The following GET3 variants were observed in gnomAD, a reference collection of about 807,000 sequenced individuals.
GET3 encodes the protein ATPase GET3.
Under a neutral mutation model 32.4 loss-of-function variants are expected in GET3, and 15 were observed. The ratio of observed to expected loss-of-function variants is 0.46; its 90% confidence interval spans 0.31 to 0.71. The LOEUF is 0.71. GET3 is among the 30% of genes least tolerant of loss of function. GET3 has a pLI of 0.05. For missense variants in GET3, 333 were observed against 459.0 expected (o/e 0.73, Z 2.51); for synonymous variants, 198 against 185.6 (o/e 1.07, Z -0.54).
rs1176166511 is a variant in GET3 at position 12,747,768 on chromosome 19, C to T, written c.915+176C>T. 6.6e-6 allele frequency among the ~76,000 whole-genome samples: 1 copy of T among 152,170 alleles called. No homozygotes were observed. Among genetic ancestry groups the T allele is most frequent in the Non-Finnish European group, 1.5e-5 (1 of 68,042 alleles). On this transcript the variant is annotated intron_variant, in intron 6 of 6. Coordinates refer to ENST00000357332, the MANE Select transcript of GET3 (RefSeq NM_004317.4). This position sits in a 1 kb window ranked among gnomAD's most constrained non-coding sequence, Gnocchi z 4.0. ...GACTGTGGCTGGCCTGGCCTAGGTC[C>T]CTGTGACCCTGGAGAGCAGGGGGTC...
At chr19:12,737,455 G>A, upstream of GET3, 1 of 1,428,338 alleles carries the variant, frequency 7.0e-7, no homozygotes, top group South Asian at 1.5e-5. Flanking sequence ...AATTTCCCCT[G>A]TAGGTTCTTC....
In GET3 at chr19:12,745,844, TA is replaced by T; in HGVS notation, c.609+87del. On this transcript the variant is annotated intron_variant, in intron 4 of 6. Coordinates refer to ENST00000357332, the MANE Select transcript of GET3 (RefSeq NM_004317.4). The surrounding 1 kb of genome is among the most constrained non-coding windows in gnomAD (Gnocchi z 5.0). ...GGCCCCCAGACCCTCAAATGCGCAC[TA>T]ACAATTCCCTTTCCTTCCCACCCCT... 1 of 1,449,810 alleles carries T rather than the reference TA, an allele frequency of 6.9e-7. No homozygotes were observed. The highest frequency in any genetic ancestry group is 1.3e-5 in the South Asian group (1 of 76,236). 89.8% of individuals were successfully genotyped at this position (1,449,810 alleles called of 1,614,324 possible). A position where few individuals can be genotyped will look rare whatever the true frequency, so the allele number is the denominator to read the frequency against.
rs761932147 is a variant in GET3 at position 12,745,568 on chromosome 19, G to A, written c.459-41G>A. 63 of 1,612,400 alleles carry A rather than the reference G, an allele frequency of 3.9e-5. No individual in the cohort carries two copies. Among genetic ancestry groups the A allele is most frequent in the Non-Finnish European group, 5.0e-5 (59 of 1,179,978 alleles). On this transcript the variant is annotated intron_variant, in intron 3 of 6. Transcript: ENST00000357332. This position sits in a 1 kb window ranked among gnomAD's most constrained non-coding sequence, Gnocchi z 5.0. Reference sequence around the variant, plus strand: ...GGGGTGGGGGCTGCCTGGGGAAGGGGAAGAGCGGACACAGAGGGCCTGACC... The same window carrying A: ...GGGGTGGGGGCTGCCTGGGGAAGGGAAAGAGCGGACACAGAGGGCCTGACC...
chr19:12,748,175 T>G lies in GET3; in HGVS notation c.*71T>G, dbSNP rs570388277. 6.9e-7 allele frequency: 1 copy of G among 1,443,010 alleles called. No homozygotes were observed. The highest frequency in any genetic ancestry group is 2.5e-5 in the East Asian group (1 of 39,480). The allele number at this position is 1,443,010 out of a possible 1,614,324, so 89.4% of individuals were successfully genotyped here. ...CCCTCCCCACCCCCTCGGGGCAGAG[T>G]TTGCACAAAGTCCCCCCCATAATAC... is the stretch of plus-strand genomic sequence containing the variant. On this transcript the variant is annotated 3_prime_UTR_variant, in exon 7 of 7. Transcript: ENST00000357332.
At chr19:12,746,084 C>T (rs908582836) in intron 4 of GET3, among the ~76,000 whole-genome samples, 1 of 152,196 alleles carries the variant, frequency 6.6e-6, no homozygotes, top group Non-Finnish European at 1.5e-5. Context: ...CCTCTCTGGG[C>T]CTCACCTTCC....
intron 2 of GET3, among the ~76,000 whole-genome samples, chr19:12,743,518 T>C (rs575017767): frequency 9.4e-5 from 14 of 149,160 alleles, no homozygotes; most frequent in African/African-American, 3.4e-4. Flanking sequence ...TGGCCAGGCG[T>C]GATGGCTCGT....
chr19:12,745,330 TC>T lies in GET3; in HGVS notation c.310-42del, dbSNP rs754463874. On this transcript the variant is annotated intron_variant, in intron 2 of 6. Transcript: ENST00000357332. The surrounding 1 kb of genome is among the most constrained non-coding windows in gnomAD (Gnocchi z 5.0). ...TGGCCCTGTGCCCAGGTGGGAAGGC[TC>T]CCCCAGCAGTAGCAGCAACCTCAGT... 18 of 1,592,512 alleles carry T rather than the reference TC, an allele frequency of 1.1e-5. No individual in the cohort carries two copies. The African/African-American group carries it at 1.2e-4, about 11-fold the overall frequency.
Position 12,738,502 on chromosome 19 carries a change from A to G in GET3, c.162-9A>G, listed in dbSNP as rs376291196. On this transcript the variant is annotated splice_polypyrimidine_tract_variant and intron_variant, in intron 1 of 6. Transcript: ENST00000357332. The stretch of plus-strand genomic sequence containing the variant: ...TCATCCCCTATCTTTTGACTTTTCC[A>G]TTACTCAGCTGCAGCCTGGCAGTCC... The G allele has an allele frequency of 6.2e-7, 1 of 1,613,818 alleles. No individual in the cohort carries two copies. The highest frequency in any genetic ancestry group is 8.5e-7 in the Non-Finnish European group (1 of 1,179,944).
Position 12,747,400 on chromosome 19 carries a change from GACA to G in GET3, c.726_728del (p.Thr243del). ...TCCTCTCTCGTGCCCTGTAGGAGCA[GACA>G]ACTTTCATCTGCGTATGCATTGCTG... On this transcript the variant is annotated inframe_deletion, in exon 6 of 7. Transcript: ENST00000357332. The surrounding 1 kb of genome is among the most constrained non-coding windows in gnomAD (Gnocchi z 4.0). 6.2e-7 allele frequency: 1 copy of G among 1,614,152 alleles called. No homozygotes were observed. The highest frequency in any genetic ancestry group is 1.1e-5 in the South Asian group (1 of 91,084).
At chr19:12,746,883 G>C (rs147895637) in intron 4 of GET3, among the ~76,000 whole-genome samples, 1 of 151,824 alleles carries the variant, frequency 6.6e-6, no homozygotes, top group Non-Finnish European at 1.5e-5. Flanking sequence ...GGTGGTGCGC[G>C]CCTGTAATCC....
At chr19:12,740,199 G>A (rs1438709050) in intron 2 of GET3, among the ~76,000 whole-genome samples, 1 of 151,460 alleles carries the variant, frequency 6.6e-6, no homozygotes. Context: ...TGGCTAACAC[G>A]GTGAAAGCCC....
At chr19:12,739,087 T>TG (rs1444738393) in intron 2 of GET3, among the ~76,000 whole-genome samples, 3 of 151,914 alleles carry the variant, frequency 2.0e-5, no homozygotes, top group Admixed American at 6.6e-5. Context: ...ACAAGGAGAT[T>TG]GGGGGTGTAA....
rs199591474 is a variant in GET3 at position 12,745,360 on chromosome 19, A to G, written c.310-17A>G. ...CAGCAGTAGCAGCAACCTCAGTCTC[A>G]TCCCTTTGGCCCCCAGGAGATTGAC... On this transcript the variant is annotated splice_polypyrimidine_tract_variant and intron_variant, in intron 2 of 6. Coordinates refer to ENST00000357332, the MANE Select transcript of GET3 (RefSeq NM_004317.4). This position sits in a 1 kb window ranked among gnomAD's most constrained non-coding sequence, Gnocchi z 5.0. 381 of 1,605,858 alleles carry G rather than the reference A, an allele frequency of 2.4e-4. 1 individual carries two copies. The African/African-American group carries it at 4.4e-3, about 19-fold the overall frequency.
At chr19:12,738,387 C>A in intron 1 of GET3, 124 bp from the exon 2 acceptor site, 2 of 1,189,640 alleles carry the variant, frequency 1.7e-6, no homozygotes, top group Non-Finnish European at 1.2e-6. Context: ...ATAACCCATA[C>A]TCTCCTCTCA....
In GET3 at chr19:12,747,988, G is replaced by A; in HGVS notation, c.931G>A (p.Glu311Lys). Residue 311 changes from glutamate (E) to lysine (K), a missense_variant, in exon 7 of 7, where the codon GAA (glutamate) becomes AAA (lysine). This residue lies in a region of GET3 where 230 missense variants were observed against 389.2 expected (regional missense o/e 0.59). Transcript: ENST00000357332. The surrounding 1 kb of genome is among the most constrained non-coding windows in gnomAD (Gnocchi z 4.0). ...CTGGCTGCAGATGGAGGACCTGTAT[G>A]AAGACTTCCACATCGTGAAGCTGCC... Reference protein sequence around the residue: ...KYLDQMEDLYEDFHIVKLPLL... With the variant: ...KYLDQMEDLYKDFHIVKLPLL... 1 of 1,606,726 alleles carries A rather than the reference G, an allele frequency of 6.2e-7. No individual in the cohort carries two copies. Among genetic ancestry groups the A allele is most frequent in the Non-Finnish European group, 8.5e-7 (1 of 1,175,046 alleles).
At position 12,748,274 on chromosome 19, in the gene GET3, C is replaced by T; in HGVS notation, c.*170C>T. 1 of 566,440 alleles carries T rather than the reference C, an allele frequency of 1.8e-6. No homozygotes were observed. Among genetic ancestry groups the T allele is most frequent in the Non-Finnish European group, 3.0e-6 (1 of 337,244 alleles). The allele number at this position is 566,440 out of a possible 1,614,324, so 35.1% of individuals were successfully genotyped here. On this transcript the variant is annotated 3_prime_UTR_variant, in exon 7 of 7. Coordinates refer to ENST00000357332, the MANE Select transcript of GET3 (RefSeq NM_004317.4). ...TGGGGCTGGTGGGGAGCTGTAGTTGCCCCCTACCTCTCCCACCTCTTGCTC... is the reference window on the plus strand; with the variant it reads ...TGGGGCTGGTGGGGAGCTGTAGTTGTCCCCTACCTCTCCCACCTCTTGCTC...
At position 12,737,603 on chromosome 19, in the gene GET3, A is replaced by G. The variant is rs1034277492; in HGVS notation, c.98A>G (p.Glu33Gly). 6 of 1,612,010 alleles carry G rather than the reference A, an allele frequency of 3.7e-6. No homozygotes were observed. Among genetic ancestry groups the G allele is most frequent in the Non-Finnish European group, 5.1e-6 (6 of 1,179,374 alleles). Reference protein sequence around the residue: ...PLEPTLSNIIEQRSLKWIFVG... With the variant: ...PLEPTLSNIIGQRSLKWIFVG... Reference sequence around the variant, plus strand: ...GAGCCTACACTTAGCAACATCATCGAGCAGCGCAGCCTGAAGTGGATCTTC... The same window carrying G: ...GAGCCTACACTTAGCAACATCATCGGGCAGCGCAGCCTGAAGTGGATCTTC... The change falls in exon 1 of 7, where the codon GAG becomes GGG. Residue 33 changes from glutamate to glycine, a missense_variant. Transcript: ENST00000357332.
At chr19:12,743,230 C>T (rs1599450181) in intron 2 of GET3, among the ~76,000 whole-genome samples, 2 of 152,274 alleles carry the variant, frequency 1.3e-5, no homozygotes, top group East Asian at 3.9e-4. Flanking sequence ...GTAATCCCAG[C>T]ATTTTGGGAG....
Position 12,747,624 on chromosome 19 carries a change from G to T in GET3, c.915+32G>T. 6.2e-7 allele frequency: 1 copy of T among 1,603,428 alleles called. No individual in the cohort carries two copies. Among genetic ancestry groups the T allele is most frequent in the East Asian group, 2.2e-5 (1 of 44,528 alleles). ...CCACCCACCCAGCACTGGCTCAGCA[G>T]AGGCACCTCTGCCCCTTTATTCTCT... On this transcript the variant is annotated intron_variant, in intron 6 of 6. Coordinates refer to ENST00000357332, the MANE Select transcript of GET3 (RefSeq NM_004317.4). The surrounding 1 kb of genome is among the most constrained non-coding windows in gnomAD (Gnocchi z 4.0).
Sources: allele counts gnomAD v4.1 joint callset (sites outside exome capture counted in the v4.1 genomes callset), GRCh38; gene constraint gnomAD v4.1.1; regional missense constraint gnomAD v4.1.1; non-coding constraint Gnocchi (gnomAD v3.1); transcripts MANE v1.5; gene names NCBI Gene and HGNC (gene_info 2026-07-23, HGNC 2026-07-21).